ADAMTSL1: variants seen among roughly 807,000 people sequenced by gnomAD.
ADAMTSL1 encodes ADAMTS like 1.
In ADAMTSL1, 126 loss-of-function variants were observed where a neutral mutation model predicts 201.8. That is an observed-to-expected ratio of 0.62 (90% confidence interval 0.54 to 0.72). The LOEUF (loss-of-function observed/expected upper bound fraction) is 0.72. Ranked by LOEUF, ADAMTSL1 falls within the 30% of genes least tolerant of loss-of-function variation. The pLI, the probability that ADAMTSL1 is intolerant of heterozygous loss-of-function variation, is 0.00. For missense variants in ADAMTSL1, 2,679 were observed against 2,277.8 expected (o/e 1.18, Z -3.59); for synonymous variants, 1,121 against 903.4 (o/e 1.24, Z -4.32).
At chr9:18,243,533 C>G (rs546729450) in intron 2 of ADAMTSL1, among the ~76,000 whole-genome samples, 1 of 152,070 alleles carries the variant, frequency 6.6e-6, no homozygotes, top group East Asian at 1.9e-4. Context: ...CTCCCTCAGC[C>G]TCTCTGGTAC....
chr9:18,088,597 A>G (rs1165815557), intron 1 of ADAMTSL1, among the ~76,000 whole-genome samples: 1 of 152,232 alleles, frequency 6.6e-6, no homozygotes, highest in East Asian at 1.9e-4. Flanking sequence ...CAAAGAATAC[A>G]TACAAATGAT....
At chr9:18,586,575 C>G (rs1200951598) in intron 4 of ADAMTSL1, among the ~76,000 whole-genome samples, 1 of 151,992 alleles carries the variant, frequency 6.6e-6, no homozygotes, top group Non-Finnish European at 1.5e-5. Context: ...ACATTCTTCA[C>G]AGAACTAGAA....
chr9:18,387,152 A>G (rs777616827), intron 2 of ADAMTSL1, among the ~76,000 whole-genome samples: 2 of 152,046 alleles, frequency 1.3e-5, no homozygotes, highest in Admixed American at 1.3e-4. Context: ...TTTAGGATAT[A>G]ATATATAGAA....
chr9:18,007,944 C>G (rs1819897807), intron 1 of ADAMTSL1, among the ~76,000 whole-genome samples: 1 of 151,970 alleles, frequency 6.6e-6, no homozygotes. Flanking sequence ...TGGCCTCAGA[C>G]CATCTGACAC....
chr9:18,890,647 T>C, intron 25 of ADAMTSL1: 1 of 455,494 alleles, frequency 2.2e-6, no homozygotes. Context: ...GACGGGAAGG[T>C]TTCCACAGGA....
chr9:18,778,578 T>C (rs1821202964), intron 19 of ADAMTSL1, among the ~76,000 whole-genome samples: 2 of 152,236 alleles, frequency 1.3e-5, no homozygotes, highest in African/African-American at 4.8e-5. Context: ...TAATAATATT[T>C]TTTACCGCTA....
intron 23 of ADAMTSL1, among the ~76,000 whole-genome samples, chr9:18,883,398 C>G (rs1166201596): frequency 2.0e-5 from 3 of 152,210 alleles, no homozygotes; most frequent in Admixed American, 2.0e-4. Context: ...AGGTTTGGAA[C>G]TGGTACATTA....
intron 1 of ADAMTSL1, among the ~76,000 whole-genome samples, chr9:18,099,355 A>ATATATATATATATATATATATATATT (rs1239180390): frequency 4.4e-5 from 2 of 45,546 alleles, no homozygotes; most frequent in Admixed American, 3.3e-4. Context: ...ATATATATAT[A>ATATATATATATATATATATATATATT]TTTTTTTTTT....
chr9:18,468,812 C>T (rs956167556), intron 2 of ADAMTSL1, among the ~76,000 whole-genome samples: 3 of 152,212 alleles, frequency 2.0e-5, no homozygotes, highest in African/African-American at 7.2e-5. Context: ...GTATGAGAAG[C>T]CCTGAATTAA....
intron 1 of ADAMTSL1, among the ~76,000 whole-genome samples, chr9:17,936,910 G>C (rs1282828116): frequency 2.6e-5 from 4 of 152,284 alleles, no homozygotes; most frequent in African/African-American, 9.6e-5. Flanking sequence ...CTTTTGGTCT[G>C]AGGGTAGCAT....
At chr9:18,189,678 G>C (rs1344786969) in intron 2 of ADAMTSL1, among the ~76,000 whole-genome samples, 1 of 152,044 alleles carries the variant, frequency 6.6e-6, no homozygotes. Flanking sequence ...AAGCCTGATA[G>C]CAACTAATTT....
chr9:18,067,967 C>G (rs1192104724), intron 1 of ADAMTSL1, among the ~76,000 whole-genome samples: 1 of 152,102 alleles, frequency 6.6e-6, no homozygotes, highest in Non-Finnish European at 1.5e-5. Context: ...GTAAGAAAAG[C>G]TTTCGACAGG....
At chr9:17,954,783 CAGTT>C (rs1827866802) in intron 1 of ADAMTSL1, among the ~76,000 whole-genome samples, 1 of 152,124 alleles carries the variant, frequency 6.6e-6, no homozygotes. Flanking sequence ...AAATTAAACA[CAGTT>C]AGGTCTGTTT....
chr9:18,517,723 C>T (rs1170711542), intron 2 of ADAMTSL1, among the ~76,000 whole-genome samples: 1 of 152,186 alleles, frequency 6.6e-6, no homozygotes, highest in Non-Finnish European at 1.5e-5. Context: ...CCAATTTCAT[C>T]CATGTCCCTA....
At chr9:18,753,794 A>C (rs1819597261) in intron 16 of ADAMTSL1, among the ~76,000 whole-genome samples, 1 of 152,222 alleles carries the variant, frequency 6.6e-6, no homozygotes, top group African/African-American at 2.4e-5. Context: ...AAGCTAAGGA[A>C]AATTTTTTAA....
intron 2 of ADAMTSL1, among the ~76,000 whole-genome samples, chr9:18,401,201 G>A (rs904060846): frequency 6.6e-6 from 1 of 152,176 alleles, no homozygotes; most frequent in Non-Finnish European, 1.5e-5. Flanking sequence ...GCCTTGGAAC[G>A]CATGCCCTTG....
chr9:18,459,292 T>C lies in ADAMTSL1; in HGVS notation c.208-45537T>C, dbSNP rs554142117. 7.2e-5 allele frequency among the ~76,000 whole-genome samples: 11 copies of C among 152,300 alleles called. No homozygotes were observed. The South Asian group carries it at 2.3e-3, about 32-fold the overall frequency. ...ATTATATCATCCAGGAAATAATACC[T>C]CATAAACAGTGTATCTTTTGTATTT... is the stretch of plus-strand genomic sequence containing the variant. On this transcript the variant is annotated intron_variant, in intron 2 of 29. Coordinates refer to the ADAMTSL1 transcript ENST00000680146.
At chr9:18,563,996 C>T (rs770691841) in intron 3 of ADAMTSL1, among the ~76,000 whole-genome samples, 1 of 152,138 alleles carries the variant, frequency 6.6e-6, no homozygotes, top group African/African-American at 2.4e-5. Context: ...TCCCTGGCTT[C>T]GGTGCCCCTT....
intron 1 of ADAMTSL1, among the ~76,000 whole-genome samples, chr9:18,127,004 C>T (rs1350586221): frequency 6.6e-6 from 1 of 152,048 alleles, no homozygotes; most frequent in East Asian, 1.9e-4. Flanking sequence ...GCAGATCTTC[C>T]AAACTGTGTG....
Sources: allele counts gnomAD v4.1 joint callset (sites outside exome capture counted in the v4.1 genomes callset), GRCh38; gene constraint gnomAD v4.1.1; transcripts MANE v1.5; gene names NCBI Gene and HGNC (gene_info 2026-07-23, HGNC 2026-07-21).